NRG1: variants seen among roughly 807,000 people sequenced by gnomAD.
NRG1 encodes the protein pro-neuregulin-1, membrane-bound isoform.
A neutral mutation model predicts 63.8 loss-of-function variants in NRG1; 18 were observed. That is an observed-to-expected ratio of 0.28 (90% CI 0.19 to 0.42). The LOEUF is 0.42. Ranked by LOEUF, NRG1 falls within the 10% of genes least tolerant of loss-of-function variation. The pLI is 1.00. For synonymous variants in NRG1, 302 were observed against 301.3 expected, an observed-to-expected ratio of 1.00 and a Z score of -0.02; for missense variants, 762 against 814.7, an observed-to-expected ratio of 0.94 and a Z score of 0.79.
At chr8:32,114,292 T>A (rs186186090) in intron 1 of NRG1, among the ~76,000 whole-genome samples, 1 of 152,290 alleles carries the variant, frequency 6.6e-6, no homozygotes, top group Non-Finnish European at 1.5e-5. Flanking sequence ...TGCTTTAAAA[T>A]GGTCAGGTCT....
chr8:32,036,337 C>T (rs60972506), intron 1 of NRG1, among the ~76,000 whole-genome samples: 68,167 of 151,506 alleles, frequency 0.45, 17,776 homozygotes, highest in South Asian at 0.6. Context: ...AGTGACCTGG[C>T]CTTTTTCTCT....
intron 1 of NRG1, among the ~76,000 whole-genome samples, chr8:31,885,071 T>C (rs921770027): frequency 3.9e-5 from 6 of 152,130 alleles, no homozygotes; most frequent in South Asian, 2.1e-4. Context: ...TGTTTCTTTC[T>C]AGAATGTGTT....
intron 5 of NRG1, among the ~76,000 whole-genome samples, chr8:32,617,428 C>T (rs908074158): frequency 8.5e-5 from 13 of 152,192 alleles, no homozygotes; most frequent in African/African-American, 1.2e-4. Flanking sequence ...GATTAGTTTT[C>T]GTCTATTTAA....
At chr8:31,970,403 T>A (rs1289934300) in intron 1 of NRG1, among the ~76,000 whole-genome samples, 1 of 152,170 alleles carries the variant, frequency 6.6e-6, no homozygotes, top group Non-Finnish European at 1.5e-5. Flanking sequence ...AATAAATGGT[T>A]GATGGCATTT....
At chr8:32,274,266 T>C (rs1851852531) in intron 1 of NRG1, among the ~76,000 whole-genome samples, 1 of 152,320 alleles carries the variant, frequency 6.6e-6, no homozygotes, top group Non-Finnish European at 1.5e-5. Flanking sequence ...CTGTTGTCTC[T>C]ACTCTCCATT....
intron 1 of NRG1, among the ~76,000 whole-genome samples, chr8:32,129,497 A>G (rs1280036072): frequency 6.6e-6 from 1 of 151,924 alleles, no homozygotes; most frequent in Non-Finnish European, 1.5e-5. Context: ...TCTTATAAGG[A>G]AACCAATCAC....
intron 1 of NRG1, among the ~76,000 whole-genome samples, chr8:32,315,246 C>T (rs1309443864): frequency 6.6e-6 from 1 of 152,138 alleles, no homozygotes; most frequent in Non-Finnish European, 1.5e-5. Flanking sequence ...CTGCCCACCC[C>T]CCTGACAGGT....
chr8:32,586,637 T>C (rs768157938), intron 1 of NRG1, among the ~76,000 whole-genome samples: 8 of 152,148 alleles, frequency 5.3e-5, no homozygotes, highest in Non-Finnish European at 1.0e-4. Flanking sequence ...AAAAACTAGG[T>C]ATGGTAAAAA....
intron 1 of NRG1, among the ~76,000 whole-genome samples, chr8:32,290,999 T>C (rs921525507): frequency 7.2e-5 from 11 of 151,988 alleles, no homozygotes; most frequent in Admixed American, 1.3e-4. Flanking sequence ...GAACCAATGG[T>C]GTAGTTCCCG....
chr8:32,621,004 G>T (rs1301122980), intron 5 of NRG1, among the ~76,000 whole-genome samples: 1 of 151,980 alleles, frequency 6.6e-6, no homozygotes, highest in African/African-American at 2.4e-5. Context: ...AATCATTCTT[G>T]ACTGGAGGTT....
chr8:32,090,525 T>C (rs758185587), intron 1 of NRG1, among the ~76,000 whole-genome samples: 1 of 152,118 alleles, frequency 6.6e-6, no homozygotes, highest in Non-Finnish European at 1.5e-5. Flanking sequence ...TTTATCATGT[T>C]GACCAGGTTG....
chr8:32,060,959 G>C (rs7842954), intron 1 of NRG1, among the ~76,000 whole-genome samples: 4,624 of 151,800 alleles, frequency 0.03, 247 homozygotes, highest in African/African-American at 0.11. Context: ...CCAATGTTGT[G>C]AACTTCCCAT....
intron 1 of NRG1, among the ~76,000 whole-genome samples, chr8:31,796,414 CTTTTTTTTTTTTTTTTTT>C (rs1158508289): frequency 3.5e-4 from 15 of 43,340 alleles, no homozygotes; most frequent in South Asian, 1.2e-3. Context: ...GGCGTATAAT[CTTTTTTTTTTTTTTTTTT>C]TTTTTTTTTT....
chr8:32,510,966 T>A (rs1189183473), intron 1 of NRG1, among the ~76,000 whole-genome samples: 1 of 150,548 alleles, frequency 6.6e-6, no homozygotes, highest in Non-Finnish European at 1.5e-5. Context: ...TTTTTTTTTT[T>A]TTTTTCTGAA....
In NRG1 at chr8:31,858,433, A is replaced by G. The variant is rs899110612; in HGVS notation, c.37+219002A>G. ...CTCATGAGCTGAGAGAAAATTAAAA[A>G]ATCATTATTTTGAAGGGTGGTTTTC... is the stretch of plus-strand genomic sequence containing the variant. On this transcript the variant is annotated intron_variant, in intron 1 of 10. Coordinates refer to the NRG1 transcript ENST00000519301. Among the ~76,000 whole-genome samples, 24 of 152,160 alleles carry G rather than the reference A, an allele frequency of 1.6e-4. 1 individual carries two copies. The highest frequency in any genetic ancestry group is 1.2e-3 in the Admixed American group (19 of 15,280).
intron 1 of NRG1, among the ~76,000 whole-genome samples, chr8:32,361,083 C>G (rs1807143039): frequency 6.6e-6 from 1 of 152,072 alleles, no homozygotes; most frequent in Admixed American, 6.6e-5. Flanking sequence ...ATTGTGATGG[C>G]CGGCAAGCTG....
intron 1 of NRG1, among the ~76,000 whole-genome samples, chr8:31,765,076 A>AT (rs369413731): frequency 6.6e-6 from 1 of 151,870 alleles, no homozygotes; most frequent in Non-Finnish European, 1.5e-5. Flanking sequence ...ATACCTAAAT[A>AT]TTTTTATTTT....
At chr8:31,793,975 A>G (rs958390997) in intron 1 of NRG1, among the ~76,000 whole-genome samples, 3 of 150,564 alleles carry the variant, frequency 2.0e-5, no homozygotes, top group Admixed American at 2.0e-4. Context: ...CTCTCTTTGG[A>G]ATCTCTTCTC....
chr8:32,184,960 C>G lies in NRG1; in HGVS notation c.38-410868C>G, dbSNP rs569450778. Among the ~76,000 whole-genome samples the G allele has an allele frequency of 2.6e-5, 4 of 152,248 alleles. No homozygotes were observed. In the East Asian group the frequency reaches 7.7e-4, roughly 29 times the overall value. ...GGGAAGCCATGAGTGGTGAAATTCT[C>G]AGAGAGACTCTTCTTTCTGTGGTCC... On this transcript the variant is annotated intron_variant, in intron 1 of 10. Coordinates refer to the NRG1 transcript ENST00000519301.
Sources: allele counts gnomAD v4.1 joint callset (sites outside exome capture counted in the v4.1 genomes callset), GRCh38; gene constraint gnomAD v4.1.1; transcripts MANE v1.5; gene names NCBI Gene and HGNC (gene_info 2026-07-23, HGNC 2026-07-21).